Variants in NUP160 observed in about 807,000 individuals in gnomAD.
NUP160 encodes the protein nucleoporin 160, also known as nuclear pore complex protein Nup160.
NUP160 carries 94 observed loss-of-function variants against 196.9 expected under a neutral mutation model. The observed-to-expected ratio is 0.48, with a 90% CI of 0.40 to 0.57. The LOEUF (loss-of-function observed/expected upper bound fraction) is 0.57. NUP160 is among the 20% of genes least tolerant of loss of function. The probability of loss-of-function intolerance (pLI) is 0.00; values close to 1 mark genes in which losing one functional copy is unlikely to be tolerated. For missense variants in NUP160, 1,638 were observed against 1,748.3 expected (o/e 0.94, Z 1.13); for synonymous variants, 605 against 619.7 (o/e 0.98, Z 0.35).
Position 47,825,990 on chromosome 11 carries a change from A to T in NUP160, c.1102-3826T>A, listed in dbSNP as rs1851958624. ...AAGTATTAAAGAAAAAAAAGCAGCA[A>T]AATTCCTTTTTGAGAAACATAGTGT... is the stretch of plus-strand genomic sequence containing the variant. On this transcript the variant is annotated intron_variant, in intron 7 of 35. Transcript: ENST00000378460. Among the ~76,000 whole-genome samples, 6 of 152,360 alleles carry T rather than the reference A, an allele frequency of 3.9e-5. No individual in the cohort carries two copies. The South Asian group carries it at 1.0e-3, about 26-fold the overall frequency.
At chr11:47,837,509 T>A in intron 5 of NUP160, 36 bp downstream of exon 5, 1 of 1,537,706 alleles carries the variant, frequency 6.5e-7, no homozygotes, top group Non-Finnish European at 9.0e-7. Flanking sequence ...GATTAAATTC[T>A]TGGGCCCTTT....
At chr11:47,848,535 C>T (rs1852456203), upstream of NUP160, 3 of 845,894 alleles carry the variant, frequency 3.5e-6, no homozygotes, top group East Asian at 5.4e-5. Flanking sequence ...ACTCTATCTG[C>T]GGGAACCTTC....
At position 47,818,041 on chromosome 11, in the gene NUP160, A is replaced by C; in HGVS notation, c.1431+15T>G. 1 of 1,555,252 alleles carries C rather than the reference A, an allele frequency of 6.4e-7. No homozygotes were observed. Among genetic ancestry groups the C allele is most frequent in the Admixed American group, 1.7e-5 (1 of 57,460 alleles). On this transcript the variant is annotated intron_variant, in intron 11 of 35. Coordinates refer to ENST00000378460, the Ensembl canonical transcript of NUP160. ...AGAAATAGTCTTAAACAAACAGTAA[A>C]TTTTTTTTGCTGACCTGTAAAGCCT...
Position 47,800,277 on chromosome 11 carries a change from C to T in NUP160, c.2895+1534G>A, listed in dbSNP as rs117456189. 4.0e-3 allele frequency among the ~76,000 whole-genome samples: 598 copies of T among 150,438 alleles called. 1 individual carries two copies. The highest frequency in any genetic ancestry group is 0.014 in the Middle Eastern group (4 of 292). On this transcript the variant is annotated intron_variant, in intron 23 of 35. Coordinates refer to ENST00000378460, the Ensembl canonical transcript of NUP160. Reference sequence around the variant, plus strand: ...GAAAAAAAAAAAAGTATAGTATATACGATTATATAAAGCACATAATACTTT... The same window carrying T: ...GAAAAAAAAAAAAGTATAGTATATATGATTATATAAAGCACATAATACTTT...
At chr11:47,788,841 A>G (rs958357981) in intron 29 of NUP160, among the ~76,000 whole-genome samples, 1 of 152,120 alleles carries the variant, frequency 6.6e-6, no homozygotes, top group Non-Finnish European at 1.5e-5. Context: ...AGGTGCTTAC[A>G]AGGTACTACA....
chr11:47,819,501 TAAA>T, intron 9 of NUP160, 43 bp from the exon 10 acceptor site: 1 of 1,409,830 alleles, frequency 7.1e-7, no homozygotes, highest in South Asian at 1.2e-5. Context: ...AAATGATCAC[TAAA>T]AATGAAATGT....
At chr11:47,811,055 G>A (rs557155663) in intron 17 of NUP160, among the ~76,000 whole-genome samples, 29 of 152,220 alleles carry the variant, frequency 1.9e-4, no homozygotes, top group African/African-American at 7.0e-4. Context: ...TTCTTAGCAT[G>A]GGACATTCAG....
chr11:47,840,014 C>G (rs1852263396), exon 4 of NUP160: 1 of 1,614,040 alleles, frequency 6.2e-7, no homozygotes, highest in African/African-American at 1.3e-5. Flanking sequence ...GTGAAATCAA[C>G]TTTTCCAATG....
At chr11:47,848,141 G>A in intron 1 of NUP160, 78 bp downstream of exon 1, 1 of 1,512,392 alleles carries the variant, frequency 6.6e-7, no homozygotes, top group South Asian at 1.1e-5. Flanking sequence ...GATGAAACAG[G>A]GCGTCAGGGA....
At chr11:47,817,251 T>C (rs921413814) in intron 11 of NUP160, among the ~76,000 whole-genome samples, 5 of 152,072 alleles carry the variant, frequency 3.3e-5, no homozygotes, top group South Asian at 2.1e-4. Context: ...CCCAAAATTT[T>C]GGGATTACAG....
At chr11:47,792,614 G>T in intron 28 of NUP160, 172 bp downstream of exon 28, 5 of 620,680 alleles carry the variant, frequency 8.1e-6, no homozygotes, top group Admixed American at 6.0e-5. Flanking sequence ...AACTAAAGGG[G>T]TAGTAATATA....
At position 47,822,691 on chromosome 11, in the gene NUP160, G is replaced by A. The variant is rs1159611575; in HGVS notation, c.1102-527C>T. Among the ~76,000 whole-genome samples the A allele has an allele frequency of 3.3e-5, 5 of 151,178 alleles. No homozygotes were observed. The South Asian group carries it at 6.3e-4, about 19-fold the overall frequency. On this transcript the variant is annotated intron_variant, in intron 7 of 35. Coordinates refer to ENST00000378460, the Ensembl canonical transcript of NUP160. Reference sequence around the variant, plus strand: ...GCACCCATTAATTCATTTACATTACGTATATCTCCTAATGTTATCCCTCCC... The same window carrying A: ...GCACCCATTAATTCATTTACATTACATATATCTCCTAATGTTATCCCTCCC...
chr11:47,812,982 T>G (rs1311291149), exon 15 of NUP160: 1 of 1,612,912 alleles, frequency 6.2e-7, no homozygotes, highest in Non-Finnish European at 8.5e-7. Flanking sequence ...ATATCCACAG[T>G]TACTGACTCT....
chr11:47,846,254 G>A (rs1852401768), intron 2 of NUP160, among the ~76,000 whole-genome samples: 1 of 152,012 alleles, frequency 6.6e-6, no homozygotes, highest in South Asian at 2.1e-4. Flanking sequence ...TGGGATTACA[G>A]GTGTGAGCCA....
chr11:47,793,051 A>T, intron 27 of NUP160, 105 bp from the exon 28 acceptor site: 3 of 904,758 alleles, frequency 3.3e-6, no homozygotes, highest in Non-Finnish European at 4.9e-6. Context: ...CAATGGCTTG[A>T]TCTCAGCTCA....
chr11:47,848,426 G>A (rs752396918), exon 1 of NUP160: 2 of 1,546,778 alleles, frequency 1.3e-6, no homozygotes, highest in African/African-American at 1.4e-5. Flanking sequence ...AGCATTCCGG[G>A]AGCAGAAAGG....
At chr11:47,831,497 A>G (rs1852071435) in intron 7 of NUP160, among the ~76,000 whole-genome samples, 1 of 152,200 alleles carries the variant, frequency 6.6e-6, no homozygotes, top group African/African-American at 2.4e-5. Flanking sequence ...CAGCTATAAA[A>G]GGAATTGAAA....
chr11:47,784,899 T>C lies in NUP160; in HGVS notation c.3990+23A>G, dbSNP rs746139835. On this transcript the variant is annotated intron_variant, in intron 33 of 35. Coordinates refer to ENST00000378460, the Ensembl canonical transcript of NUP160. ...AATGATAAAGAGTGGGTTCTTACTC[T>C]GTACAAGTTATAATCCGTTTACCTT... The C allele has an allele frequency of 4.6e-6, 7 of 1,535,968 alleles. No individual in the cohort carries two copies. The South Asian group carries it at 8.7e-5, about 19-fold the overall frequency.
intron 19 of NUP160, among the ~76,000 whole-genome samples, chr11:47,806,788 T>TACACAC (rs1491520212): frequency 9.4e-5 from 10 of 106,412 alleles, no homozygotes; most frequent in East Asian, 3.2e-4. Context: ...GGAAAGCAGC[T>TACACAC]ATACACACAC....
Sources: gnomAD v4.1 joint callset for allele counts (sites outside exome capture counted in the v4.1 genomes callset) on GRCh38, gnomAD v4.1.1 for gene constraint, MANE v1.5 for transcripts, NCBI Gene and HGNC (gene_info 2026-07-23, HGNC 2026-07-21) for gene names.